ENPP2: variants seen among roughly 807,000 people sequenced by gnomAD.
ENPP2 encodes autotaxin.
In ENPP2, 51 loss-of-function variants were observed where a neutral mutation model predicts 120.2. The observed-to-expected ratio is 0.42, with a 90% CI of 0.34 to 0.54. ENPP2 has a LOEUF of 0.54. Among genes scored for constraint, ENPP2 ranks in the 20% least tolerant of loss-of-function variants. ENPP2 has a pLI of 0.04. For synonymous variants in ENPP2, 365 were observed against 366.4 expected, an observed-to-expected ratio of 1.00 and a Z score of 0.04; for missense variants, 920 against 1,066.5, an observed-to-expected ratio of 0.86 and a Z score of 1.91.
chr8:119,621,548 CT>C lies in ENPP2; in HGVS notation c.293-30del, dbSNP rs779612123. ...AAATCATCCCAATAAAACATTTTCA[CT>C]GCTGCACACTAACCAAATGAAAGAA... On this transcript the variant is annotated intron_variant, in intron 3 of 24. Coordinates refer to ENST00000075322, the MANE Select transcript of ENPP2 (RefSeq NM_001040092.3). 6.8e-6 allele frequency: 11 copies of C among 1,608,066 alleles called. No individual in the cohort carries two copies. The Admixed American group carries it at 1.7e-4, about 24-fold the overall frequency.
intron 1 of ENPP2, among the ~76,000 whole-genome samples, chr8:119,649,068 C>T (rs1354871106): frequency 6.6e-6 from 1 of 152,016 alleles, no homozygotes; most frequent in African/African-American, 2.4e-5. Context: ...TTTTTATACA[C>T]TAACAATAGA....
In ENPP2 at chr8:119,631,651, A is replaced by G. The variant is rs569149448; in HGVS notation, c.137-4931T>C. On this transcript the variant is annotated intron_variant, in intron 2 of 24. Transcript: ENST00000075322. ...AAATGATTAAATTAACAAATAAATA[A>G]AATAGAACAATAGAGTGGAATATTC... Among the ~76,000 whole-genome samples the G allele has an allele frequency of 2.0e-5, 3 of 152,336 alleles. No individual in the cohort carries two copies. The South Asian group carries it at 6.2e-4, about 32-fold the overall frequency.
chr8:119,668,752 A>C (rs1380773954), intron 1 of ENPP2, among the ~76,000 whole-genome samples: 2 of 152,088 alleles, frequency 1.3e-5, no homozygotes, highest in Admixed American at 1.3e-4. Flanking sequence ...CTACAACAAA[A>C]TTCTATTTTA....
chr8:119,591,426 TA>T (rs899631048), intron 12 of ENPP2, among the ~76,000 whole-genome samples: 2 of 152,240 alleles, frequency 1.3e-5, no homozygotes, highest in African/African-American at 4.8e-5. Flanking sequence ...AAAATGCTTT[TA>T]TTTAAAACAT....
chr8:119,565,149 C>G (rs1003733286), intron 22 of ENPP2, among the ~76,000 whole-genome samples, 194 bp from the exon 23 acceptor site: 1 of 151,976 alleles, frequency 6.6e-6, no homozygotes, highest in South Asian at 2.1e-4. Context: ...GCAAAGGGAA[C>G]AGTGTAGAGC....
Position 119,557,380 on chromosome 8 carries a change from T to C in ENPP2, c.*141A>G, listed in dbSNP as rs942955982. ...CAAGCATTAGAGAAAAACAGTGGAG[T>C]CATTCAGGCATAATATGTCAGATTT... On this transcript the variant is annotated 3_prime_UTR_variant, in exon 25 of 25. Transcript: ENST00000075322. The C allele has an allele frequency of 2.5e-5, 16 of 627,758 alleles. No individual in the cohort carries two copies. The highest frequency in any genetic ancestry group is 1.9e-4 in the African/African-American group (10 of 52,216). The allele number at this position is 627,758 out of a possible 1,614,324, so 38.9% of individuals were successfully genotyped here. A position where few individuals can be genotyped will look rare whatever the true frequency, so the allele number is the denominator to read the frequency against.
At chr8:119,621,279 A>G (rs1299080094) in intron 4 of ENPP2, 115 bp downstream of exon 4, 1 of 881,802 alleles carries the variant, frequency 1.1e-6, no homozygotes, top group Non-Finnish European at 1.8e-6. Flanking sequence ...AGGACAATTC[A>G]TTCCTTCCTC....
intron 2 of ENPP2, among the ~76,000 whole-genome samples, chr8:119,627,244 A>T (rs1005566188): frequency 6.6e-6 from 1 of 152,204 alleles, no homozygotes; most frequent in African/African-American, 2.4e-5. Context: ...GAAGACTTTT[A>T]CAGTTTCAGC....
chr8:119,587,211 T>C, intron 13 of ENPP2, 136 bp from the exon 14 acceptor site: 1 of 742,060 alleles, frequency 1.3e-6, no homozygotes, highest in Non-Finnish European at 2.3e-6. Flanking sequence ...GTTTGAAAGA[T>C]AAATAATTGT....
chr8:119,591,170 T>C (rs1248140322), intron 12 of ENPP2, among the ~76,000 whole-genome samples: 1 of 152,158 alleles, frequency 6.6e-6, no homozygotes, highest in African/African-American at 2.4e-5. Flanking sequence ...ACTGGTGGCC[T>C]TGGATGTTAC....
rs377402872 is a variant in ENPP2, at chr8:119,582,336, C to T, written c.1728+82G>A. ...GGACAGCATAATTATAGACCATGTCCATTGTCACAGAAAGTTCTATGGGCC... is the reference window on the plus strand; with the variant it reads ...GGACAGCATAATTATAGACCATGTCTATTGTCACAGAAAGTTCTATGGGCC... On this transcript the variant is annotated intron_variant, in intron 18 of 24. Transcript: ENST00000075322. The T allele has an allele frequency of 1.3e-5, 14 of 1,047,088 alleles. No individual in the cohort carries two copies. In the African/African-American group the frequency reaches 1.7e-4, roughly 13 times the overall value. The allele number at this position is 1,047,088 out of a possible 1,614,324, so 64.9% of individuals were successfully genotyped here.
intron 12 of ENPP2, among the ~76,000 whole-genome samples, chr8:119,592,503 A>T (rs912450647): frequency 1.3e-5 from 2 of 151,004 alleles, no homozygotes; most frequent in African/African-American, 4.9e-5. Flanking sequence ...AAAAAGAAGA[A>T]GAAGAAGTGC....
intron 24 of ENPP2, among the ~76,000 whole-genome samples, chr8:119,561,280 T>C (rs1813906117): frequency 6.6e-6 from 1 of 152,208 alleles, no homozygotes; most frequent in Non-Finnish European, 1.5e-5. Context: ...TGTGGCTCCT[T>C]GCCTTTCAGT....
intron 9 of ENPP2, among the ~76,000 whole-genome samples, chr8:119,601,981 G>C (rs6987232): frequency 0.52 from 78,653 of 151,960 alleles, 20,800 homozygotes; most frequent in South Asian, 0.7. Flanking sequence ...TGTCCAGTGC[G>C]TAAGACACAG....
In ENPP2 at chr8:119,673,316, C is replaced by A. The variant is rs912061619; in HGVS notation, c.-44G>T. The stretch of plus-strand genomic sequence containing the variant: ...TCTGTTCCTGCCCGGGCGCTGCGGA[C>A]GCGGCCTGGGCTGCAGCCCCGCGAC... On this transcript the variant is annotated 5_prime_UTR_variant, in exon 1 of 26. Coordinates refer to the ENPP2 transcript ENST00000427067. The A allele has an allele frequency of 5.2e-6, 8 of 1,534,250 alleles. No individual in the cohort carries two copies. In the African/African-American group the frequency reaches 9.6e-5, roughly 18 times the overall value.
chr8:119,580,005 A>G, intron 19 of ENPP2, 111 bp downstream of exon 19: 1 of 797,376 alleles, frequency 1.3e-6, no homozygotes, highest in Non-Finnish European at 2.2e-6. Flanking sequence ...TTTGAAATAC[A>G]AATTCTAATT....
chr8:119,596,076 TC>T, intron 11 of ENPP2: 2 of 1,416,676 alleles, frequency 1.4e-6, no homozygotes, highest in Non-Finnish European at 2.0e-6. Context: ...GCTTACACTT[TC>T]CCATCTGGGA....
chr8:119,603,226 TAAAAA>T (rs11424718), intron 9 of ENPP2, among the ~76,000 whole-genome samples: 2 of 149,486 alleles, frequency 1.3e-5, no homozygotes, highest in African/African-American at 4.9e-5. Context: ...CTTTCCTGTT[TAAAAA>T]AAAAAAGTGA....
At chr8:119,670,463 T>A (rs1166185276) in intron 1 of ENPP2, among the ~76,000 whole-genome samples, 1 of 152,190 alleles carries the variant, frequency 6.6e-6, no homozygotes, top group Non-Finnish European at 1.5e-5. Context: ...TCATTGAGCA[T>A]CCCACCTGGG....
Sources: allele counts gnomAD v4.1 joint callset (sites outside exome capture counted in the v4.1 genomes callset), GRCh38; gene constraint gnomAD v4.1.1; transcripts MANE v1.5; gene names NCBI Gene and HGNC (gene_info 2026-07-23, HGNC 2026-07-21).